Variants in ASAP1 observed in about 807,000 individuals in gnomAD.
ASAP1 encodes the protein ArfGAP with SH3 domain, ankyrin repeat and PH domain 1, also known as arf-GAP with SH3 domain, ANK repeat and PH domain-containing protein 1.
In ASAP1, 43 loss-of-function variants were observed where a neutral mutation model predicts 145.2. That is an observed-to-expected ratio of 0.30 (90% CI 0.23 to 0.38). The LOEUF is 0.38. Ranked by LOEUF, ASAP1 falls within the 10% of genes least tolerant of loss-of-function variation. The probability of loss-of-function intolerance (pLI) is 1.00; values close to 1 mark genes in which losing one functional copy is unlikely to be tolerated. For synonymous variants in ASAP1, 546 were observed against 515.5 expected (o/e 1.06, Z -0.80); for missense variants, 1,018 against 1,355.3 (o/e 0.75, Z 3.91).
intron 3 of ASAP1, among the ~76,000 whole-genome samples, chr8:130,353,622 C>T (rs1826128054): frequency 6.6e-6 from 1 of 152,222 alleles, no homozygotes; most frequent in African/African-American, 2.4e-5. Flanking sequence ...GTAATCCCAG[C>T]ACTTTGGAAG....
chr8:130,327,798 T>A (rs1351808714), intron 3 of ASAP1, among the ~76,000 whole-genome samples: 1 of 152,148 alleles, frequency 6.6e-6, no homozygotes, highest in Non-Finnish European at 1.5e-5. Context: ...TCCTTTTGCA[T>A]GATAAAAATG....
chr8:130,413,119 A>G (rs1178486427), intron 1 of ASAP1, among the ~76,000 whole-genome samples: 1 of 152,238 alleles, frequency 6.6e-6, no homozygotes, highest in African/African-American at 2.4e-5. Flanking sequence ...ATCTTGCCAG[A>G]GTTTTTACAG....
chr8:130,307,177 C>G (rs1434425769), intron 3 of ASAP1, among the ~76,000 whole-genome samples: 1 of 151,340 alleles, frequency 6.6e-6, no homozygotes, highest in African/African-American at 2.4e-5. Flanking sequence ...ACAATGTACC[C>G]TCTATGAAGA....
chr8:130,123,283 C>T (rs1004292962), intron 18 of ASAP1, among the ~76,000 whole-genome samples: 1 of 152,084 alleles, frequency 6.6e-6, no homozygotes, highest in Non-Finnish European at 1.5e-5. Context: ...TTTTGTACTC[C>T]CACTGGCAAT....
intron 24 of ASAP1, among the ~76,000 whole-genome samples, chr8:130,105,242 T>C (rs1467440925): frequency 2.6e-5 from 4 of 152,094 alleles, no homozygotes; most frequent in Admixed American, 6.6e-5. Flanking sequence ...ACAAACAATA[T>C]AGTATAGCAA....
intron 15 of ASAP1, among the ~76,000 whole-genome samples, chr8:130,130,051 G>A (rs2097580745): frequency 6.6e-6 from 1 of 152,126 alleles, no homozygotes. Context: ...CCTCTATTTC[G>A]CTTTCCTCAG....
intron 4 of ASAP1, among the ~76,000 whole-genome samples, chr8:130,220,587 A>G (rs1350394447): frequency 2.6e-5 from 4 of 152,202 alleles, no homozygotes; most frequent in African/African-American, 9.7e-5. Flanking sequence ...CTGTAATCCC[A>G]GTACTTTGGG....
intron 24 of ASAP1, among the ~76,000 whole-genome samples, chr8:130,105,230 A>C (rs924486945): frequency 2.0e-5 from 3 of 152,216 alleles, no homozygotes; most frequent in South Asian, 2.1e-4. Flanking sequence ...CAATAACAAC[A>C]AACAAACAAT....
intron 3 of ASAP1, among the ~76,000 whole-genome samples, chr8:130,238,753 A>C (rs1025174941): frequency 5.3e-5 from 8 of 152,148 alleles, no homozygotes; most frequent in Non-Finnish European, 1.0e-4. Flanking sequence ...CAAGGTGAGA[A>C]AGGTTAAGTA....
intron 24 of ASAP1, among the ~76,000 whole-genome samples, chr8:130,104,549 G>T (rs2097533975): frequency 6.6e-6 from 1 of 152,194 alleles, no homozygotes; most frequent in South Asian, 2.1e-4. Flanking sequence ...GCAATAGGAT[G>T]GACACGTCAG....
chr8:130,313,978 C>T (rs1823516516), intron 3 of ASAP1, among the ~76,000 whole-genome samples: 1 of 152,170 alleles, frequency 6.6e-6, no homozygotes, highest in African/African-American at 2.4e-5. Context: ...GCAGTCCACC[C>T]CTAGGCTGGC....
In ASAP1 at chr8:130,183,641, AATT is replaced by A. The variant is rs368739122; in HGVS notation, c.531-2764_531-2762del. 5.3e-4 allele frequency among the ~76,000 whole-genome samples: 80 copies of A among 152,180 alleles called. No individual in the cohort carries two copies. In the East Asian group the frequency reaches 0.011, roughly 22 times the overall value. On this transcript the variant is annotated intron_variant, in intron 7 of 29. Coordinates refer to ENST00000518721, the MANE Select transcript of ASAP1 (RefSeq NM_018482.4). ...ACAGGCATGAGCCACCGTGCCTGAA[AATT>A]ATTATAAAATCAGTATTTTATACTG...
At chr8:130,079,613 CA>C (rs2097473985) in intron 26 of ASAP1, among the ~76,000 whole-genome samples, 1 of 152,090 alleles carries the variant, frequency 6.6e-6, no homozygotes, top group African/African-American at 2.4e-5. Flanking sequence ...GAATTTTGTT[CA>C]AGACCACTGC....
At chr8:130,339,997 C>A (rs1021246606) in intron 3 of ASAP1, among the ~76,000 whole-genome samples, 1 of 152,154 alleles carries the variant, frequency 6.6e-6, no homozygotes, top group Admixed American at 6.5e-5. Context: ...TCAAGGCTTC[C>A]GTGTGTGTAC....
chr8:130,130,233 G>C (rs1358477891), intron 15 of ASAP1, among the ~76,000 whole-genome samples: 1 of 152,164 alleles, frequency 6.6e-6, no homozygotes, highest in East Asian at 1.9e-4. Context: ...CTCTAAGTTA[G>C]GGTTTATAAT....
At chr8:130,327,158 C>G (rs1339553098) in intron 3 of ASAP1, among the ~76,000 whole-genome samples, 2 of 152,154 alleles carry the variant, frequency 1.3e-5, no homozygotes, top group African/African-American at 4.8e-5. Flanking sequence ...ATGAATAATT[C>G]TCCCTGCACT....
chr8:130,170,146 A>G (rs1440217248), intron 9 of ASAP1, among the ~76,000 whole-genome samples: 1 of 152,092 alleles, frequency 6.6e-6, no homozygotes, highest in African/African-American at 2.4e-5. Context: ...TGGGCCCAAC[A>G]CAAAGCAGAC....
At chr8:130,078,737 G>A (rs2097470773) in intron 26 of ASAP1, among the ~76,000 whole-genome samples, 1 of 152,110 alleles carries the variant, frequency 6.6e-6, no homozygotes, top group Admixed American at 6.6e-5. Flanking sequence ...CAAGGAAGGG[G>A]TGTGGAATGT....
At chr8:130,206,900 A>C (rs529980049) in intron 5 of ASAP1, among the ~76,000 whole-genome samples, 24 of 151,850 alleles carry the variant, frequency 1.6e-4, no homozygotes, top group Non-Finnish European at 3.0e-4. Context: ...CTTTGCTAGG[A>C]TCACAGGAAT....
Sources: gnomAD v4.1 joint callset for allele counts (sites outside exome capture counted in the v4.1 genomes callset) on GRCh38, gnomAD v4.1.1 for gene constraint, MANE v1.5 for transcripts, NCBI Gene and HGNC (gene_info 2026-07-23, HGNC 2026-07-21) for gene names.